The following SASH1 variants were observed in gnomAD, a reference collection of about 807,000 sequenced individuals.
SASH1 encodes the protein SAM and SH3 domain containing 1.
A neutral mutation model predicts 125.2 loss-of-function variants in SASH1; 44 were observed. The ratio of observed to expected loss-of-function variants is 0.35; its 90% CI spans 0.28 to 0.45. SASH1 has a LOEUF of 0.45. Ranked by LOEUF, SASH1 falls within the 20% of genes least tolerant of loss-of-function variation. The probability of loss-of-function intolerance (pLI) is 1.00; values close to 1 mark genes in which losing one functional copy is unlikely to be tolerated. For synonymous variants in SASH1, 639 were observed against 649.1 expected, an observed-to-expected ratio of 0.98 and a Z score of 0.24; for missense variants, 1,426 against 1,614.5, an observed-to-expected ratio of 0.88 and a Z score of 2.00.
chr6:148,415,922 A>G (rs2114924447), intron 2 of SASH1, among the ~76,000 whole-genome samples: 2 of 152,380 alleles, frequency 1.3e-5, no homozygotes, highest in South Asian at 4.1e-4. Flanking sequence ...CATTAATTAA[A>G]AATAAACCTT....
intron 1 of SASH1, among the ~76,000 whole-genome samples, chr6:148,318,113 G>A (rs1265403926): frequency 6.6e-6 from 1 of 152,144 alleles, no homozygotes; most frequent in Admixed American, 6.5e-5. Context: ...TTCTGCCACT[G>A]TCATTCATGG....
intron 1 of SASH1, among the ~76,000 whole-genome samples, chr6:148,383,250 A>C (rs1783224129): frequency 6.6e-6 from 1 of 152,202 alleles, no homozygotes; most frequent in South Asian, 2.1e-4. Flanking sequence ...TTAAGGGTGA[A>C]AACACCTTGG....
At chr6:148,252,682 T>C in the SASH1 span, among the ~76,000 whole-genome samples, 1 of 152,318 alleles carries the variant, frequency 6.6e-6, no homozygotes, top group African/African-American at 2.4e-5. Context: ...TTTCGCCATG[T>C]TGGCCAGGCT....
chr6:148,516,156 CTTTAAT>C (rs1165000953), intron 9 of SASH1, among the ~76,000 whole-genome samples: 2 of 152,224 alleles, frequency 1.3e-5, no homozygotes, highest in Non-Finnish European at 2.9e-5. Flanking sequence ...TGGCTCTGAA[CTTTAAT>C]TTATCTGGGC....
intron 8 of SASH1, among the ~76,000 whole-genome samples, chr6:148,502,901 A>G (rs569901477): frequency 3.9e-5 from 6 of 152,286 alleles, no homozygotes; most frequent in Admixed American, 2.0e-4. Flanking sequence ...GTCTTCCCAC[A>G]TCGGAATTCC....
intron 2 of SASH1, among the ~76,000 whole-genome samples, chr6:148,423,405 G>A (rs1047621094): frequency 2.0e-5 from 3 of 152,180 alleles, no homozygotes; most frequent in African/African-American, 7.2e-5. Flanking sequence ...TAGAAAATAT[G>A]GTTCAGAGAA....
intron 1 of SASH1, among the ~76,000 whole-genome samples, chr6:148,302,662 T>C (rs983357034): frequency 1.5e-4 from 10 of 66,780 alleles, no homozygotes; most frequent in African/African-American, 3.1e-4. Flanking sequence ...TGTATATATA[T>C]ACACACACAC....
chr6:148,496,073 C>G (rs1221739243), intron 8 of SASH1, among the ~76,000 whole-genome samples: 1 of 151,626 alleles, frequency 6.6e-6, no homozygotes, highest in African/African-American at 2.4e-5. Flanking sequence ...TTGTCGAACT[C>G]CTGACCTCAG....
chr6:148,373,840 G>T (rs1782788058), intron 1 of SASH1, among the ~76,000 whole-genome samples: 1 of 152,212 alleles, frequency 6.6e-6, no homozygotes, highest in African/African-American at 2.4e-5. Flanking sequence ...GAGCATGATG[G>T]TGTGCACCTG....
At chr6:148,319,326 C>T (rs1047746051) in intron 1 of SASH1, among the ~76,000 whole-genome samples, 2 of 151,950 alleles carry the variant, frequency 1.3e-5, no homozygotes, top group African/African-American at 4.8e-5. Flanking sequence ...TGAGCCACCG[C>T]GCCCAGCCCC....
At chr6:148,413,843 G>A (rs1257148724) in intron 2 of SASH1, among the ~76,000 whole-genome samples, 1 of 151,732 alleles carries the variant, frequency 6.6e-6, no homozygotes, top group African/African-American at 2.4e-5. Flanking sequence ...GGGGAGAGTT[G>A]AACCTGGTTG....
chr6:148,458,401 C>T (rs1777457106), intron 4 of SASH1, among the ~76,000 whole-genome samples: 1 of 152,150 alleles, frequency 6.6e-6, no homozygotes, highest in South Asian at 2.1e-4. Flanking sequence ...ACAAGGTGTA[C>T]TGCTACCCCA....
rs372159829 is a variant in SASH1, at chr6:148,525,078, G to A, written c.1210-213G>A. On this transcript the variant is annotated intron_variant, in intron 10 of 19. Transcript: ENST00000367467. ...GGATTCTAGACCTCTGGGGTAGGCA[G>A]AGTTCCAGTGGCCTGTGAAAGGGAA... 5.1e-5 allele frequency: 28 copies of A among 544,188 alleles called. 1 individual carries two copies. The highest frequency in any genetic ancestry group is 2.8e-4 in the East Asian group (9 of 31,838). The allele number at this position is 544,188 out of a possible 1,614,324, so 33.7% of individuals were successfully genotyped here. A position where few individuals can be genotyped will look rare whatever the true frequency, so the allele number is the denominator to read the frequency against.
the SASH1 span, among the ~76,000 whole-genome samples, chr6:148,210,684 A>AAAAC: frequency 2.6e-5 from 4 of 152,234 alleles, no homozygotes; most frequent in South Asian, 4.1e-4. Context: ...CTTAATTCCC[A>AAAAC]AAACCTATGT....
upstream of SASH1, among the ~76,000 whole-genome samples, chr6:148,267,768 A>G (rs887008556): frequency 6.6e-6 from 1 of 152,126 alleles, no homozygotes; most frequent in African/African-American, 2.4e-5. Flanking sequence ...AACCTTCCCA[A>G]TGATAAGGAG....
At chr6:148,341,352 T>G (rs528164788), upstream of SASH1, among the ~76,000 whole-genome samples, 27 of 149,886 alleles carry the variant, frequency 1.8e-4, no homozygotes, top group Admixed American at 6.6e-5. Context: ...TTTGTATTTT[T>G]AGTAGAGACA....
Position 148,534,737 on chromosome 6 carries a change from T to G in SASH1, c.1945-14T>G. On this transcript the variant is annotated splice_polypyrimidine_tract_variant and intron_variant, in intron 15 of 19. Coordinates refer to ENST00000367467, the MANE Select transcript of SASH1 (RefSeq NM_015278.5). The stretch of plus-strand genomic sequence containing the variant: ...CTGGCTGACACCCTTCTGTCTTCCT[T>G]CTCCCTCTCACAGGAGCACATGCCC... 1.2e-6 allele frequency: 2 copies of G among 1,614,102 alleles called. No individual in the cohort carries two copies. Among genetic ancestry groups the G allele is most frequent in the Non-Finnish European group, 1.7e-6 (2 of 1,179,986 alleles).
intron 1 of SASH1, among the ~76,000 whole-genome samples, chr6:148,282,045 A>G (rs1234019701): frequency 6.6e-6 from 1 of 152,246 alleles, no homozygotes; most frequent in African/African-American, 2.4e-5. Context: ...AAATTAGAAC[A>G]TAACTGTCAT....
Position 148,343,120 on chromosome 6 carries a change from A to G in SASH1, c.53A>G (p.Glu18Gly). The change falls in exon 1 of 20, where the codon GAG becomes GGG. Residue 18 changes from glutamate to glycine, a missense_variant. Physicochemically the swap from Glu to Gly is moderately conservative, Grantham distance 98 (BLOSUM62 -2). Coordinates refer to ENST00000367467, the MANE Select transcript of SASH1 (RefSeq NM_015278.5). ...GGGCCGGAGCCTGAGCCCGAGCCCG[A>G]GCCGGAGCCCGAGCCCGCGCCGGAG... is the stretch of plus-strand genomic sequence containing the variant. ...GPGPEPEPEP[E>G]PEPEPAPEPE... The G allele has an allele frequency of 1.9e-6, 3 of 1,589,924 alleles. No homozygotes were observed. Among genetic ancestry groups the G allele is most frequent in the South Asian group, 1.1e-5 (1 of 89,994 alleles).
Sources: allele counts gnomAD v4.1 joint callset (sites outside exome capture counted in the v4.1 genomes callset), GRCh38; gene constraint gnomAD v4.1.1; transcripts MANE v1.5; gene names NCBI Gene and HGNC (gene_info 2026-07-23, HGNC 2026-07-21).